PLA2G4A: variants seen among roughly 807,000 people sequenced by gnomAD.
PLA2G4A encodes phospholipase A2 group IVA, also known as cytosolic phospholipase A2.
PLA2G4A carries 40 observed loss-of-function variants against 81.9 expected under a neutral mutation model. That is an observed-to-expected ratio of 0.49 (90% CI 0.38 to 0.64). PLA2G4A has a LOEUF of 0.64. Among genes scored for constraint, PLA2G4A ranks in the 30% least tolerant of loss-of-function variants. The pLI, the probability that PLA2G4A is intolerant of heterozygous loss-of-function variation, is 0.00. For synonymous variants in PLA2G4A, 302 were observed against 296.9 expected (o/e 1.02, Z -0.18); for missense variants, 715 against 905.1 (o/e 0.79, Z 2.69).
At chr1:186,950,852 T>C (rs1259306126) in intron 13 of PLA2G4A, 124 bp downstream of exon 13, 13 of 701,600 alleles carry the variant, frequency 1.9e-5, no homozygotes, top group Non-Finnish European at 2.9e-5. Flanking sequence ...GATAAAATTG[T>C]AGCTTTCTGT....
intron 5 of PLA2G4A, among the ~76,000 whole-genome samples, chr1:186,903,303 G>A (rs1028738234): frequency 3.3e-5 from 5 of 152,124 alleles, no homozygotes; most frequent in Admixed American, 2.6e-4. Context: ...GAAAGTAAAT[G>A]TTGTAAATAT....
At chr1:186,902,809 A>G (rs139630501) in intron 5 of PLA2G4A, among the ~76,000 whole-genome samples, 1,709 of 148,032 alleles carry the variant, frequency 0.012, 15 homozygotes, top group Middle Eastern at 0.017. Context: ...TATCTCCCCT[A>G]TCTCCCCTTG....
chr1:186,890,399 G>A (rs1654093152), intron 3 of PLA2G4A, among the ~76,000 whole-genome samples: 1 of 152,034 alleles, frequency 6.6e-6, no homozygotes, highest in African/African-American at 2.4e-5. Flanking sequence ...TCCTAAAAAA[G>A]GAGTGATCAA....
intron 5 of PLA2G4A, among the ~76,000 whole-genome samples, chr1:186,903,478 C>T (rs1654621421): frequency 6.6e-6 from 1 of 152,310 alleles, no homozygotes; most frequent in South Asian, 2.1e-4. Context: ...AGGACCTAGG[C>T]TCCGCAGCAG....
chr1:186,862,847 A>G (rs895931400), intron 2 of PLA2G4A, among the ~76,000 whole-genome samples: 16 of 152,162 alleles, frequency 1.1e-4, no homozygotes, highest in Non-Finnish European at 1.5e-5. Flanking sequence ...GTGAAGGTGC[A>G]CCTGTTTTTC....
chr1:186,922,698 A>G (rs527304397), intron 7 of PLA2G4A, among the ~76,000 whole-genome samples: 103 of 152,312 alleles, frequency 6.8e-4, no homozygotes, highest in African/African-American at 2.2e-3. Context: ...GCCTCAGACA[A>G]AACCCCTCAG....
chr1:186,890,716 T>C (rs1170898226), intron 3 of PLA2G4A, among the ~76,000 whole-genome samples: 1 of 151,920 alleles, frequency 6.6e-6, no homozygotes, highest in Non-Finnish European at 1.5e-5. Context: ...TAGCCGGGCA[T>C]AGTGGCATGT....
intron 7 of PLA2G4A, among the ~76,000 whole-genome samples, chr1:186,915,309 G>C (rs896386178): frequency 6.6e-6 from 1 of 152,154 alleles, no homozygotes; most frequent in African/African-American, 2.4e-5. Flanking sequence ...TTTCTCATCT[G>C]AGTTTCTTGC....
intron 1 of PLA2G4A, among the ~76,000 whole-genome samples, 189 bp from the exon 2 acceptor site, chr1:186,854,097 C>G (rs1409722270): frequency 6.6e-6 from 1 of 151,830 alleles, no homozygotes; most frequent in African/African-American, 2.4e-5. Context: ...GGAAAATAAA[C>G]AGTATCATCC....
chr1:186,931,720 T>G (rs1238338066), intron 7 of PLA2G4A, among the ~76,000 whole-genome samples: 1 of 152,070 alleles, frequency 6.6e-6, no homozygotes, highest in Non-Finnish European at 1.5e-5. Context: ...TATGTATACA[T>G]CATATTGGTA....
chr1:186,945,333 G>T (rs1274236393), intron 10 of PLA2G4A, among the ~76,000 whole-genome samples: 1 of 152,156 alleles, frequency 6.6e-6, no homozygotes, highest in African/African-American at 2.4e-5. Context: ...CATCACACAG[G>T]GAGTGGGATC....
At chr1:186,946,557 T>C in intron 10 of PLA2G4A, 80 bp from the exon 11 acceptor site, 3 of 978,306 alleles carry the variant, frequency 3.1e-6, no homozygotes, top group Admixed American at 1.7e-5. Context: ...CATAACATTA[T>C]TAAAGTGATC....
chr1:186,847,105 A>G (rs1055809332), intron 1 of PLA2G4A, among the ~76,000 whole-genome samples: 7 of 150,514 alleles, frequency 4.7e-5, no homozygotes, highest in African/African-American at 1.5e-4. Context: ...ATATTAATCT[A>G]CATATATATT....
At chr1:186,972,235 T>C (rs1657380742) in intron 15 of PLA2G4A, among the ~76,000 whole-genome samples, 1 of 152,138 alleles carries the variant, frequency 6.6e-6, no homozygotes, top group Non-Finnish European at 1.5e-5. Context: ...ATATTATTAC[T>C]ATTAATTTAT....
intron 15 of PLA2G4A, 108 bp from the exon 16 acceptor site, chr1:186,977,485 A>C: frequency 1.4e-6 from 1 of 727,702 alleles, no homozygotes; most frequent in South Asian, 1.5e-5. Flanking sequence ...AGCAAGGAGT[A>C]CATTGCTGGC....
At chr1:186,954,929 G>T (rs1656694582) in intron 13 of PLA2G4A, among the ~76,000 whole-genome samples, 1 of 152,110 alleles carries the variant, frequency 6.6e-6, no homozygotes, top group African/African-American at 2.4e-5. Context: ...ATACGAGCCA[G>T]GCATTTTTCT....
intron 7 of PLA2G4A, among the ~76,000 whole-genome samples, chr1:186,925,306 G>T (rs983887288): frequency 1.2e-4 from 19 of 152,130 alleles, no homozygotes; most frequent in African/African-American, 4.6e-4. Context: ...TGTATTGAGA[G>T]GACTTGTACT....
At chr1:186,905,755 T>A (rs1277303867) in intron 5 of PLA2G4A, among the ~76,000 whole-genome samples, 1 of 152,094 alleles carries the variant, frequency 6.6e-6, no homozygotes, top group African/African-American at 2.4e-5. Context: ...ATGTGTTATC[T>A]GTTGTATGCC....
chr1:186,890,068 T>C (rs141820770), intron 3 of PLA2G4A, among the ~76,000 whole-genome samples: 3 of 152,358 alleles, frequency 2.0e-5, no homozygotes, highest in African/African-American at 7.2e-5. Flanking sequence ...TTGTGAGATT[T>C]AAATGAGACT....
Sources: gnomAD v4.1 joint callset for allele counts (sites outside exome capture counted in the v4.1 genomes callset) on GRCh38, gnomAD v4.1.1 for gene constraint, MANE v1.5 for transcripts, NCBI Gene and HGNC (gene_info 2026-07-23, HGNC 2026-07-21) for gene names.